The following TULP4 variants were observed in gnomAD, a reference collection of about 807,000 sequenced individuals.
The protein encoded by TULP4 is TUB like protein 4, also known as tubby-related protein 4.
A neutral mutation model predicts 129.0 loss-of-function variants in TULP4; 16 were observed. That is an observed-to-expected ratio of 0.12 (90% CI 0.08 to 0.19). TULP4 has a LOEUF of 0.19. Ranked by LOEUF, TULP4 falls within the 10% of genes least tolerant of loss-of-function variation. The probability of loss-of-function intolerance (pLI) is 1.00; values close to 1 mark genes in which losing one functional copy is unlikely to be tolerated. For synonymous variants in TULP4, 998 were observed against 854.0 expected (o/e 1.17, Z -2.94); for missense variants, 1,842 against 2,059.1 (o/e 0.89, Z 2.04).
chr6:158,283,174 G>A lies in TULP4; in HGVS notation n.116+796G>A, dbSNP rs147885319. Among the ~76,000 whole-genome samples, 1,326 of 151,426 alleles carry A rather than the reference G, an allele frequency of 8.8e-3. 10 individuals are homozygous for A. The highest frequency in any genetic ancestry group is 0.026 in the African/African-American group (1,053 of 41,288). On this transcript the variant is annotated intron_variant and non_coding_transcript_variant, in intron 1 of 1. Transcript: ENST00000432358. Reference sequence around the variant, plus strand: ...AAACAAAAAAAAACCCTATAAAGACGTTCATCTGTAAGAACCTAGATACAG... The same window carrying A: ...AAACAAAAAAAAACCCTATAAAGACATTCATCTGTAAGAACCTAGATACAG...
chr6:158,385,840 A>ATTTTTTTTTTTTTTT (rs1397821107), intron 1 of TULP4, among the ~76,000 whole-genome samples: 5 of 34,012 alleles, frequency 1.5e-4, no homozygotes, highest in Admixed American at 4.8e-4. Context: ...AATGTGGAAT[A>ATTTTTTTTTTTTTTT]TCTTTTTTTT....
intron 1 of TULP4, among the ~76,000 whole-genome samples, chr6:158,404,613 T>C (rs892873478): frequency 6.6e-6 from 1 of 151,870 alleles, no homozygotes; most frequent in African/African-American, 2.4e-5. Flanking sequence ...CCGTCTCTAC[T>C]AAAAATTCAA....
At chr6:158,491,444 T>TTGAGGAGTCTCGC (rs1780202126) in intron 9 of TULP4, among the ~76,000 whole-genome samples, 1 of 16,692 alleles carries the variant, frequency 6.0e-5, no homozygotes. Flanking sequence ...TTTCTTTCTT[T>TTGAGGAGTCTCGC]TCTTTCTTTC....
At chr6:158,278,845 A>T (rs963093264), upstream of TULP4, among the ~76,000 whole-genome samples, 17 of 152,062 alleles carry the variant, frequency 1.1e-4, no homozygotes, top group African/African-American at 3.6e-4. Flanking sequence ...GGTAAGTTGC[A>T]GTCTCTATTT....
chr6:158,437,152 A>G (rs1285649572), intron 3 of TULP4, among the ~76,000 whole-genome samples: 5 of 152,212 alleles, frequency 3.3e-5, no homozygotes, highest in African/African-American at 1.2e-4. Flanking sequence ...AAGAAATATG[A>G]CCTTTATTTG....
intron 7 of TULP4, 91 bp downstream of exon 7, chr6:158,480,066 G>A: frequency 9.9e-7 from 1 of 1,011,362 alleles, no homozygotes; most frequent in Admixed American, 2.1e-5. Context: ...GTACCAGAGT[G>A]AGCACATGGG....
At chr6:158,351,091 C>T (rs1478790283) in intron 1 of TULP4, among the ~76,000 whole-genome samples, 3 of 152,182 alleles carry the variant, frequency 2.0e-5, no homozygotes, top group East Asian at 1.9e-4. Flanking sequence ...TATGCTTTCA[C>T]AGAGTTCAAA....
intron 1 of TULP4, among the ~76,000 whole-genome samples, chr6:158,356,635 T>G (rs1426190808): frequency 6.6e-6 from 1 of 152,124 alleles, no homozygotes; most frequent in Non-Finnish European, 1.5e-5. Flanking sequence ...GTCCAATTCT[T>G]AACAACGTCA....
At chr6:158,477,454 G>A (rs1205755839) in intron 6 of TULP4, among the ~76,000 whole-genome samples, 1 of 152,148 alleles carries the variant, frequency 6.6e-6, no homozygotes, top group Non-Finnish European at 1.5e-5. Flanking sequence ...AGTGGGCAAA[G>A]GACATGAACA....
At chr6:158,424,069 A>G (rs1778418397) in intron 2 of TULP4, among the ~76,000 whole-genome samples, 1 of 152,226 alleles carries the variant, frequency 6.6e-6, no homozygotes. Context: ...TATGACAGTA[A>G]GAAGGTGAAA....
rs61292138 is a variant in TULP4, at chr6:158,506,222, C to CTTTTTTTTT, written c.4516-336_4516-328dup. Among the ~76,000 whole-genome samples, 122 of 55,504 alleles carry CTTTTTTTTT rather than the reference C, an allele frequency of 2.2e-3. 16 individuals are homozygous for CTTTTTTTTT. Among genetic ancestry groups the CTTTTTTTTT allele is most frequent in the East Asian group, 3.6e-3 (7 of 1,960 alleles). The allele number at this position is 55,504 out of a possible 152,430, so 36.4% of individuals were successfully genotyped here. A position where few individuals can be genotyped will look rare whatever the true frequency, so the allele number is the denominator to read the frequency against. On this transcript the variant is annotated intron_variant, in intron 13 of 13. Transcript: ENST00000367097. Reference sequence around the variant, plus strand: ...CGGCTGTCGCCTTGCTCGCCTTGTTCTTTTTTTTTTTTTTTTTTTTTTTTT... The same window carrying CTTTTTTTTT: ...CGGCTGTCGCCTTGCTCGCCTTGTTCTTTTTTTTTTTTTTTTTTTTTTTTTTTTTTTTTT...
At chr6:158,498,910 A>C in intron 12 of TULP4, 98 bp downstream of exon 12, 1 of 1,480,298 alleles carries the variant, frequency 6.8e-7, no homozygotes, top group South Asian at 1.3e-5. Flanking sequence ...TCAGTCTGCT[A>C]CCTGGGTTTG....
At chr6:158,242,764 A>T (rs900570770) in intron 1 of TULP4, 2 of 421,250 alleles carry the variant, frequency 4.7e-6, no homozygotes, top group Admixed American at 6.8e-5. Context: ...TTCTGGCCGT[A>T]CCGGTTCACT....
At chr6:158,259,796 A>C (rs1208558165) in intron 1 of TULP4, among the ~76,000 whole-genome samples, 2 of 152,234 alleles carry the variant, frequency 1.3e-5, no homozygotes, top group African/African-American at 4.8e-5. Flanking sequence ...ATAATTTGCT[A>C]AAACAACTCA....
chr6:158,350,370 G>A (rs1780483303), intron 1 of TULP4, among the ~76,000 whole-genome samples: 1 of 152,068 alleles, frequency 6.6e-6, no homozygotes, highest in Admixed American at 6.6e-5. Context: ...GGAGGCCAAG[G>A]CAGGCGGCTG....
chr6:158,238,650 A>G (rs1328743616), intron 1 of TULP4, among the ~76,000 whole-genome samples: 2 of 102,938 alleles, frequency 1.9e-5, no homozygotes, highest in Non-Finnish European at 4.0e-5. Context: ...TGCTGCCTTC[A>G]AGCATCTGTT....
chr6:158,364,801 A>T (rs1428368906), intron 1 of TULP4, among the ~76,000 whole-genome samples: 1 of 152,072 alleles, frequency 6.6e-6, no homozygotes, highest in Non-Finnish European at 1.5e-5. Flanking sequence ...CAGTGGCGTG[A>T]TCTTGGCTCA....
chr6:158,369,198 A>G (rs1425329679), intron 1 of TULP4, among the ~76,000 whole-genome samples: 1 of 152,204 alleles, frequency 6.6e-6, no homozygotes, highest in Non-Finnish European at 1.5e-5. Flanking sequence ...TTGAGTATCA[A>G]GCTGCTTTGA....
At chr6:158,246,057 T>A (rs1049129036) in intron 1 of TULP4, among the ~76,000 whole-genome samples, 10 of 148,612 alleles carry the variant, frequency 6.7e-5, no homozygotes, top group Admixed American at 1.3e-4. Context: ...TGTGTGTGTG[T>A]GTGTGTATTG....
Sources: gnomAD v4.1 joint callset for allele counts (sites outside exome capture counted in the v4.1 genomes callset) on GRCh38, gnomAD v4.1.1 for gene constraint, MANE v1.5 for transcripts, NCBI Gene and HGNC (gene_info 2026-07-23, HGNC 2026-07-21) for gene names.